PLCE1: variants seen among roughly 807,000 people sequenced by gnomAD.
PLCE1 encodes the protein phospholipase C epsilon 1, also known as 1-phosphatidylinositol 4,5-bisphosphate phosphodiesterase epsilon-1.
In PLCE1, 119 loss-of-function variants were observed where a neutral mutation model predicts 242.8. The observed-to-expected ratio is 0.49, with a 90% CI of 0.42 to 0.57. PLCE1 has a LOEUF of 0.57. Ranked by LOEUF, PLCE1 falls within the 20% of genes least tolerant of loss-of-function variation. PLCE1 has a pLI of 0.00. For synonymous variants in PLCE1, 945 were observed against 1,017.4 expected (o/e 0.93, Z 1.35); for missense variants, 2,441 against 2,788.8 (o/e 0.88, Z 2.81).
chr10:94,172,936 C>T (rs1462625911), intron 4 of PLCE1, among the ~76,000 whole-genome samples: 1 of 152,184 alleles, frequency 6.6e-6, no homozygotes, highest in Non-Finnish European at 1.5e-5. Flanking sequence ...TGATAAGGCC[C>T]ATGAATACAA....
chr10:94,093,953 T>C (rs977181274), intron 2 of PLCE1, among the ~76,000 whole-genome samples: 5 of 138,106 alleles, frequency 3.6e-5, no homozygotes, highest in Non-Finnish European at 7.7e-5. Flanking sequence ...TTTTTTTTTT[T>C]TTTTTTGAGA....
chr10:94,304,169 T>G (rs1007645917), intron 24 of PLCE1, among the ~76,000 whole-genome samples: 13 of 152,336 alleles, frequency 8.5e-5, no homozygotes, highest in Admixed American at 6.5e-4. Flanking sequence ...CAGACAGATG[T>G]AGCAAATATT....
In PLCE1 at chr10:94,031,537, G is replaced by A. The variant is rs1271524140; in HGVS notation, c.491G>A (p.Ser164Asn). 1 of 1,612,298 alleles carries A rather than the reference G, an allele frequency of 6.2e-7. No homozygotes were observed. The highest frequency in any genetic ancestry group is 8.5e-7 in the Non-Finnish European group (1 of 1,179,838). ...CTAGACAGACCTTCCATGGGCATTAGTCCTTTAGGAAATCAGTCAGTGATC... is the reference window on the plus strand; with the variant it reads ...CTAGACAGACCTTCCATGGGCATTAATCCTTTAGGAAATCAGTCAGTGATC... ...LELDRPSMGI[S>N]PLGNQSVIIE... The change falls in exon 2 of 33, where the codon AGT (serine) becomes AAT (asparagine). Residue 164 changes from serine (S) to asparagine (N), a missense_variant. By Grantham distance (46) the Ser-to-Asn change is conservative. Coordinates refer to ENST00000371380, the MANE Select transcript of PLCE1 (RefSeq NM_016341.4).
rs1027309738 is a variant in PLCE1, at chr10:94,083,627, A to G, written c.1207-48547A>G. On this transcript the variant is annotated intron_variant, in intron 2 of 32. Coordinates refer to ENST00000371380, the MANE Select transcript of PLCE1 (RefSeq NM_016341.4). ...CAACAGCAGTTTCCTCTGATTTGCT[A>G]GAAGTATTTTTCCTGTTAGGTATAG... is the stretch of plus-strand genomic sequence containing the variant. Among the ~76,000 whole-genome samples, 12 of 152,310 alleles carry G rather than the reference A, an allele frequency of 7.9e-5. No individual in the cohort carries two copies. The East Asian group carries it at 2.3e-3, about 29-fold the overall frequency.
intron 2 of PLCE1, among the ~76,000 whole-genome samples, chr10:94,060,280 A>G: frequency 6.6e-6 from 1 of 152,164 alleles, no homozygotes; most frequent in East Asian, 1.9e-4. Context: ...ATACATGGAT[A>G]CTGTACTAAA....
At chr10:93,995,255 CATAA>C (rs2134124802) in intron 1 of PLCE1, among the ~76,000 whole-genome samples, 1 of 152,314 alleles carries the variant, frequency 6.6e-6, no homozygotes, top group African/African-American at 2.4e-5. Flanking sequence ...TCGATGTCTT[CATAA>C]ATACTTTTCT....
chr10:94,324,274 A>T, intron 30 of PLCE1, 75 bp from the exon 31 acceptor site: 1 of 1,211,594 alleles, frequency 8.3e-7, no homozygotes. Flanking sequence ...TTTCCACCTT[A>T]AAGTTTCATA....
intron 3 of PLCE1, among the ~76,000 whole-genome samples, chr10:94,156,074 G>A (rs1350960892): frequency 6.6e-6 from 1 of 152,072 alleles, no homozygotes; most frequent in Non-Finnish European, 1.5e-5. Context: ...ATCTTGATGG[G>A]GTGTGATAAT....
chr10:94,144,571 C>T (rs1798258858), intron 3 of PLCE1, among the ~76,000 whole-genome samples: 1 of 152,096 alleles, frequency 6.6e-6, no homozygotes, highest in African/African-American at 2.4e-5. Context: ...AGAAGCAGCT[C>T]CTGTTAGCTG....
intron 22 of PLCE1, among the ~76,000 whole-genome samples, chr10:94,292,093 G>A (rs1301965424): frequency 6.6e-6 from 1 of 152,138 alleles, no homozygotes; most frequent in African/African-American, 2.4e-5. Flanking sequence ...AAGTAATTGT[G>A]TCAAGAGCAA....
chr10:93,999,397 G>C (rs760687154), intron 1 of PLCE1, among the ~76,000 whole-genome samples: 1 of 152,134 alleles, frequency 6.6e-6, no homozygotes, highest in Non-Finnish European at 1.5e-5. Flanking sequence ...TCCGGGATGT[G>C]AGTCCAAGCA....
intron 22 of PLCE1, among the ~76,000 whole-genome samples, chr10:94,290,440 AT>A (rs1258559433): frequency 8.6e-6 from 1 of 116,416 alleles, no homozygotes; most frequent in Non-Finnish European, 1.9e-5. Flanking sequence ...TTTATTTTTT[AT>A]TTTTTTACTT....
intron 4 of PLCE1, among the ~76,000 whole-genome samples, chr10:94,222,521 G>T (rs1019097324): frequency 6.6e-6 from 1 of 152,186 alleles, no homozygotes; most frequent in African/African-American, 2.4e-5. Flanking sequence ...TGATGTGGGG[G>T]CACCACAGAG....
intron 1 of PLCE1, among the ~76,000 whole-genome samples, chr10:94,026,311 A>G (rs1252092530): frequency 6.6e-6 from 1 of 152,032 alleles, no homozygotes; most frequent in Non-Finnish European, 1.5e-5. Context: ...CCTATCCCCA[A>G]ATATCTCAAG....
intron 4 of PLCE1, among the ~76,000 whole-genome samples, chr10:94,180,500 G>A (rs1276116699): frequency 6.6e-6 from 1 of 152,168 alleles, no homozygotes; most frequent in Non-Finnish European, 1.5e-5. Flanking sequence ...TTCCTTTGGT[G>A]TGAAATGCCT....
chr10:94,149,009 G>C (rs1208480539), intron 3 of PLCE1, among the ~76,000 whole-genome samples: 1 of 152,118 alleles, frequency 6.6e-6, no homozygotes, highest in Non-Finnish European at 1.5e-5. Context: ...CCTTGGCCCT[G>C]TTCATTCCAC....
At position 94,205,336 on chromosome 10, in the gene PLCE1, TATG is replaced by T. The variant is rs556131991; in HGVS notation, c.1810-21967_1810-21965del. Among the ~76,000 whole-genome samples the T allele has an allele frequency of 8.5e-5, 13 of 152,302 alleles. No individual in the cohort carries two copies. In the South Asian group the frequency reaches 1.4e-3, roughly 17 times the overall value. ...TTTCATTTCCTACTGTAGAGAATGT[TATG>T]ATATTGGATCTTTGCTTTACAAGCA... On this transcript the variant is annotated intron_variant, in intron 4 of 32. Coordinates refer to ENST00000371380, the MANE Select transcript of PLCE1 (RefSeq NM_016341.4).
chr10:94,266,572 C>G (rs2051525890), intron 16 of PLCE1, among the ~76,000 whole-genome samples: 1 of 152,210 alleles, frequency 6.6e-6, no homozygotes, highest in Non-Finnish European at 1.5e-5. Flanking sequence ...TTGCAATGAT[C>G]TGCGTGTCCA....
chr10:94,034,372 A>G (rs906626970), intron 2 of PLCE1, among the ~76,000 whole-genome samples: 2 of 152,204 alleles, frequency 1.3e-5, no homozygotes, highest in Non-Finnish European at 2.9e-5. Context: ...ATGTTGTACA[A>G]TCATCTTAAC....
Sources: gnomAD v4.1 joint callset for allele counts (sites outside exome capture counted in the v4.1 genomes callset) on GRCh38, gnomAD v4.1.1 for gene constraint, MANE v1.5 for transcripts, NCBI Gene and HGNC (gene_info 2026-07-23, HGNC 2026-07-21) for gene names.